ZNF385D: variants seen among roughly 807,000 people sequenced by gnomAD.
ZNF385D encodes zinc finger protein 659.
Under a neutral mutation model 35.8 loss-of-function variants are expected in ZNF385D, and 15 were observed. The ratio of observed to expected loss-of-function variants is 0.42; its 90% CI spans 0.28 to 0.64. The LOEUF (loss-of-function observed/expected upper bound fraction) is 0.64, where lower values mean the gene tolerates loss of function less well. Ranked by LOEUF, ZNF385D falls within the 30% of genes least tolerant of loss-of-function variation. ZNF385D has a pLI of 0.23. For synonymous variants in ZNF385D, 212 were observed against 186.8 expected (o/e 1.13, Z -1.10); for missense variants, 474 against 494.6 (o/e 0.96, Z 0.39).
At chr3:22,299,953 A>C (rs1702807183) in intron 2 of ZNF385D, among the ~76,000 whole-genome samples, 1 of 151,960 alleles carries the variant, frequency 6.6e-6, no homozygotes, top group Admixed American at 6.6e-5. Context: ...CACAGAAATA[A>C]AATATCTAAA....
chr3:21,797,850 G>A (rs983902916), intron 3 of ZNF385D, among the ~76,000 whole-genome samples: 3 of 152,114 alleles, frequency 2.0e-5, no homozygotes, highest in African/African-American at 7.2e-5. Flanking sequence ...TTGGGGGTAG[G>A]AGTGGGGGAT....
At chr3:22,283,340 A>G (rs910992184) in intron 2 of ZNF385D, among the ~76,000 whole-genome samples, 2 of 152,130 alleles carry the variant, frequency 1.3e-5, no homozygotes, top group Non-Finnish European at 2.9e-5. Flanking sequence ...GACCTAACAG[A>G]TATTTACAGA....
chr3:22,081,649 A>T (rs1052236951), intron 3 of ZNF385D, among the ~76,000 whole-genome samples: 2 of 152,174 alleles, frequency 1.3e-5, no homozygotes, highest in African/African-American at 4.8e-5. Flanking sequence ...AAAGCCTGTC[A>T]TCTACCCTGT....
chr3:21,601,913 ACT>A (rs2064302086), intron 2 of ZNF385D, among the ~76,000 whole-genome samples: 3 of 151,864 alleles, frequency 2.0e-5, no homozygotes, highest in African/African-American at 7.3e-5. Flanking sequence ...TTTGGTCTTT[ACT>A]CTCCATATTT....
In ZNF385D at chr3:21,421,498, A is replaced by T. The variant is rs76423389; in HGVS notation, c.955-51T>A. ...AAAAAACAACAGTTTTGGAATTTGT[A>T]CTTAAAACCCAAAATGGCAGGGAGC... On this transcript the variant is annotated intron_variant, in intron 7 of 7. Coordinates refer to ENST00000281523, the MANE Select transcript of ZNF385D (RefSeq NM_024697.3). The T allele has an allele frequency of 3.9e-3, 5,371 of 1,386,332 alleles. 133 individuals carry two copies. The East Asian group carries it at 0.05, about 13-fold the overall frequency. The allele number at this position is 1,386,332 out of a possible 1,614,324, so 85.9% of individuals were successfully genotyped here.
intron 1 of ZNF385D, among the ~76,000 whole-genome samples, chr3:21,679,721 G>A (rs934527344): frequency 6.6e-6 from 1 of 152,044 alleles, no homozygotes; most frequent in Non-Finnish European, 1.5e-5. Context: ...GGTTTGGAGG[G>A]AGGGAGACTA....
intron 3 of ZNF385D, among the ~76,000 whole-genome samples, chr3:22,147,759 G>A (rs1331661140): frequency 6.6e-6 from 1 of 152,132 alleles, no homozygotes; most frequent in South Asian, 2.1e-4. Flanking sequence ...GAAAGAGTTA[G>A]GATTGAATCT....
chr3:21,861,153 G>C (rs2673512), intron 3 of ZNF385D, among the ~76,000 whole-genome samples: 37,289 of 151,972 alleles, frequency 0.25, 4,755 homozygotes, highest in Middle Eastern at 0.41. Flanking sequence ...CTACTCACAG[G>C]ACAGTCCCCG....
rs183899960 is a variant in ZNF385D at position 21,951,890 on chromosome 3, A to G, written c.325+216927T>C. Among the ~76,000 whole-genome samples the G allele has an allele frequency of 8.0e-4, 122 of 151,786 alleles. 3 individuals carry two copies. Among genetic ancestry groups the G allele is most frequent in the African/African-American group, 2.8e-3 (117 of 41,176 alleles). On this transcript the variant is annotated intron_variant, in intron 3 of 5. Transcript: ENST00000494108. ...AAGAAAAACTTTCCATTTCTGCAGC[A>G]CTTGCATGGAGATAGTAAAACTGAA...
chr3:21,776,872 C>A lies in ZNF385D; in HGVS notation c.326-111844G>T, dbSNP rs373479811. Among the ~76,000 whole-genome samples, 9 of 151,994 alleles carry A rather than the reference C, an allele frequency of 5.9e-5. No individual in the cohort carries two copies. In the East Asian group the frequency reaches 1.2e-3, roughly 20 times the overall value. The stretch of plus-strand genomic sequence containing the variant: ...AGAAACTGAAACTTTTTCTCCTGTC[C>A]AAAGACACAGATAGGTTTTAGAGTG... On this transcript the variant is annotated intron_variant, in intron 3 of 5. Coordinates refer to the ZNF385D transcript ENST00000494108.
chr3:22,309,408 G>C, intron 2 of ZNF385D, among the ~76,000 whole-genome samples: 1 of 152,034 alleles, frequency 6.6e-6, no homozygotes, highest in East Asian at 1.9e-4. Context: ...TTGGATTTAA[G>C]AAGGCATGAC....
At chr3:21,592,520 CCTT>C (rs2064005974) in intron 2 of ZNF385D, among the ~76,000 whole-genome samples, 2 of 140,602 alleles carry the variant, frequency 1.4e-5, no homozygotes, top group South Asian at 4.4e-4. Flanking sequence ...AGCTTTTCCT[CCTT>C]AGTAATTTTG....
chr3:21,885,705 G>A (rs976997603), intron 3 of ZNF385D, among the ~76,000 whole-genome samples: 4 of 149,872 alleles, frequency 2.7e-5, no homozygotes, highest in Non-Finnish European at 4.4e-5. Flanking sequence ...TTATATTAGG[G>A]TTTTCCATGG....
At chr3:21,537,956 G>T (rs2062075732) in intron 3 of ZNF385D, among the ~76,000 whole-genome samples, 1 of 152,050 alleles carries the variant, frequency 6.6e-6, no homozygotes, top group Non-Finnish European at 1.5e-5. Context: ...GACAATGGTG[G>T]CTTGGACCAA....
intron 2 of ZNF385D, among the ~76,000 whole-genome samples, chr3:22,245,983 A>T (rs1699756766): frequency 6.6e-6 from 1 of 152,096 alleles, no homozygotes; most frequent in African/African-American, 2.4e-5. Flanking sequence ...GTCCCAACCA[A>T]TCTCAGTGAC....
At chr3:22,247,551 AAG>A (rs1251390977) in intron 2 of ZNF385D, among the ~76,000 whole-genome samples, 42 of 152,126 alleles carry the variant, frequency 2.8e-4, no homozygotes, top group Non-Finnish European at 1.0e-4. Flanking sequence ...ACACAAATTA[AAG>A]AGTCTTTGAT....
chr3:21,608,891 T>C (rs2064578990), intron 2 of ZNF385D, among the ~76,000 whole-genome samples: 1 of 152,218 alleles, frequency 6.6e-6, no homozygotes, highest in Non-Finnish European at 1.5e-5. Context: ...TCCATTCTTA[T>C]ATCAGTGTAT....
chr3:21,486,432 A>T (rs977910011), intron 4 of ZNF385D, among the ~76,000 whole-genome samples: 5 of 152,178 alleles, frequency 3.3e-5, no homozygotes, highest in Admixed American at 1.3e-4. Flanking sequence ...GTCATATCAC[A>T]GCCTCCATCC....
intron 2 of ZNF385D, among the ~76,000 whole-genome samples, chr3:22,291,771 A>C (rs1325286956): frequency 6.6e-6 from 1 of 152,052 alleles, no homozygotes; most frequent in African/African-American, 2.4e-5. Context: ...ACTAATATTA[A>C]ACAAGTTTTA....
Sources: allele counts gnomAD v4.1 joint callset (sites outside exome capture counted in the v4.1 genomes callset), GRCh38; gene constraint gnomAD v4.1.1; transcripts MANE v1.5; gene names NCBI Gene and HGNC (gene_info 2026-07-23, HGNC 2026-07-21).